Variants in CTNNA3 observed in about 807,000 individuals in gnomAD.
The protein encoded by CTNNA3 is catenin alpha 3.
In CTNNA3, 76 loss-of-function variants were observed where a neutral mutation model predicts 95.7. The observed-to-expected ratio is 0.79, with a 90% CI of 0.66 to 0.96. CTNNA3 has a LOEUF of 0.96. Among genes scored for constraint, CTNNA3 ranks in the 40% least tolerant of loss-of-function variants. The pLI is 0.00. For missense variants in CTNNA3, 1,191 were observed against 1,089.8 expected, an observed-to-expected ratio of 1.09 and a Z score of -1.31; for synonymous variants, 431 against 374.4, an observed-to-expected ratio of 1.15 and a Z score of -1.74.
At chr10:66,143,892 A>T (rs1202703805) in intron 13 of CTNNA3, among the ~76,000 whole-genome samples, 1 of 152,220 alleles carries the variant, frequency 6.6e-6, no homozygotes, top group Non-Finnish European at 1.5e-5. Context: ...TCTAATGTAA[A>T]AATGTAATCT....
intron 11 of CTNNA3, among the ~76,000 whole-genome samples, chr10:66,500,497 T>A (rs1840244526): frequency 6.6e-6 from 1 of 152,120 alleles, no homozygotes; most frequent in Non-Finnish European, 1.5e-5. Flanking sequence ...TCTGATCTAG[T>A]TTAAGAAGAA....
At chr10:66,568,477 CTT>C (rs1842778045) in intron 10 of CTNNA3, among the ~76,000 whole-genome samples, 1 of 151,850 alleles carries the variant, frequency 6.6e-6, no homozygotes, top group South Asian at 2.1e-4. Context: ...CCTAGGGTGT[CTT>C]TATTTCACTC....
intron 3 of CTNNA3, among the ~76,000 whole-genome samples, chr10:67,560,252 C>T (rs1369120276): frequency 6.6e-6 from 1 of 151,486 alleles, no homozygotes; most frequent in Non-Finnish European, 1.5e-5. Context: ...GTCGGGTTAC[C>T]CACAAAGGGA....
intron 15 of CTNNA3, among the ~76,000 whole-genome samples, chr10:66,015,217 C>T (rs750151499): frequency 4.6e-5 from 7 of 152,052 alleles, no homozygotes; most frequent in Non-Finnish European, 7.3e-5. Flanking sequence ...CATACTTGAG[C>T]TAGAATTCCT....
At chr10:66,040,203 A>G (rs2079656741) in intron 15 of CTNNA3, among the ~76,000 whole-genome samples, 1 of 152,176 alleles carries the variant, frequency 6.6e-6, no homozygotes, top group Non-Finnish European at 1.5e-5. Flanking sequence ...CAGAATAGCT[A>G]TTATTAAAAA....
In CTNNA3 at chr10:66,926,876, T is replaced by A. The variant is rs753647496; in HGVS notation, c.1048-151352A>T. The A allele has an allele frequency of 1.1e-5, 16 of 1,505,078 alleles. No homozygotes were observed. The South Asian group carries it at 2.2e-4, about 20-fold the overall frequency. The allele number at this position is 1,505,078 out of a possible 1,614,324, so 93.2% of individuals were successfully genotyped here. A position where few individuals can be genotyped will look rare whatever the true frequency, so the allele number is the denominator to read the frequency against. On this transcript the variant is annotated intron_variant, in intron 7 of 17. Coordinates refer to ENST00000433211, the MANE Select transcript of CTNNA3 (RefSeq NM_013266.4). ...CTATTTTTGCTTGATTAAGGATTAA[T>A]TCTTTTTTGGGGGGATAACTTTTCT... is the stretch of plus-strand genomic sequence containing the variant.
chr10:67,723,288 CT>C (rs796834009), intron 1 of CTNNA3, among the ~76,000 whole-genome samples: 1,694 of 140,866 alleles, frequency 0.012, 6 homozygotes, highest in Middle Eastern at 0.015. Context: ...CACCTGGCCT[CT>C]TTTTTTTTTT....
intron 13 of CTNNA3, among the ~76,000 whole-genome samples, chr10:66,263,452 T>A (rs767043587): frequency 3.9e-5 from 6 of 152,044 alleles, no homozygotes; most frequent in Non-Finnish European, 7.4e-5. Flanking sequence ...TGTCACTTTA[T>A]GCTTATATAA....
chr10:67,126,748 T>TG (rs1373306351), intron 7 of CTNNA3, among the ~76,000 whole-genome samples: 1 of 152,118 alleles, frequency 6.6e-6, no homozygotes, highest in African/African-American at 2.4e-5. Flanking sequence ...CCATATACAT[T>TG]GGGGTGAATT....
intron 6 of CTNNA3, among the ~76,000 whole-genome samples, chr10:67,192,082 C>T (rs1324710007): frequency 6.6e-6 from 1 of 151,858 alleles, no homozygotes; most frequent in Non-Finnish European, 1.5e-5. Flanking sequence ...CAAAAATTAA[C>T]TTGAAATGGA....
intron 7 of CTNNA3, among the ~76,000 whole-genome samples, chr10:66,942,408 T>C (rs1165250180): frequency 1.3e-5 from 2 of 152,220 alleles, no homozygotes; most frequent in East Asian, 1.9e-4. Context: ...GTAACAATGT[T>C]GTTCAGCAAC....
intron 3 of CTNNA3, among the ~76,000 whole-genome samples, chr10:67,580,925 C>T (rs1174696108): frequency 4.6e-5 from 7 of 152,122 alleles, no homozygotes; most frequent in African/African-American, 9.7e-5. Flanking sequence ...TGAGACTTTG[C>T]TGAAGTTGCT....
upstream of CTNNA3, among the ~76,000 whole-genome samples, chr10:67,700,840 G>A (rs574374683): frequency 1.3e-4 from 20 of 152,264 alleles, 1 homozygote; most frequent in South Asian, 3.5e-3. Flanking sequence ...ACTACAGGAG[G>A]AAATTCAAAC....
chr10:67,244,650 T>A (rs1034457162), intron 5 of CTNNA3, among the ~76,000 whole-genome samples: 1 of 152,158 alleles, frequency 6.6e-6, no homozygotes, highest in Admixed American at 6.5e-5. Flanking sequence ...TAAATTTGGC[T>A]AAAATTAGTG....
At chr10:66,136,349 A>C (rs2083346586) in intron 13 of CTNNA3, among the ~76,000 whole-genome samples, 1 of 152,246 alleles carries the variant, frequency 6.6e-6, no homozygotes. Context: ...TGTAGTTCTA[A>C]CATGGATGTT....
In CTNNA3 at chr10:65,930,961, T is replaced by C. The variant is rs182976457; in HGVS notation, c.2401-10344A>G. 4.1e-3 allele frequency among the ~76,000 whole-genome samples: 618 copies of C among 152,324 alleles called. 17 individuals carry two copies. The highest frequency in any genetic ancestry group is 1.0e-3 in the Non-Finnish European group (69 of 68,036). On this transcript the variant is annotated intron_variant, in intron 17 of 17. Transcript: ENST00000433211. ...TAAGTATATATACTGTACATGTTTATATAAAGAATATGGTTTTCTGATTTT... is the reference window on the plus strand; with the variant it reads ...TAAGTATATATACTGTACATGTTTACATAAAGAATATGGTTTTCTGATTTT...
chr10:67,489,788 TTATATA>T (rs372899542), intron 5 of CTNNA3, among the ~76,000 whole-genome samples: 1 of 142,464 alleles, frequency 7.0e-6, no homozygotes, highest in Non-Finnish European at 1.5e-5. Context: ...ATACATGATT[TTATATA>T]TATATATATA....
chr10:66,561,032 G>C (rs1315276786), intron 10 of CTNNA3, among the ~76,000 whole-genome samples: 1 of 151,854 alleles, frequency 6.6e-6, no homozygotes, highest in Non-Finnish European at 1.5e-5. Context: ...CCAGCCTAAG[G>C]TAATTTGTTA....
At chr10:67,558,821 C>T (rs1019556085) in intron 3 of CTNNA3, among the ~76,000 whole-genome samples, 11 of 152,206 alleles carry the variant, frequency 7.2e-5, no homozygotes, top group Admixed American at 6.5e-5. Flanking sequence ...AAAAATGGCA[C>T]GCCAGGAGAT....
Sources: allele counts gnomAD v4.1 joint callset (sites outside exome capture counted in the v4.1 genomes callset), GRCh38; gene constraint gnomAD v4.1.1; transcripts MANE v1.5; gene names NCBI Gene and HGNC (gene_info 2026-07-23, HGNC 2026-07-21).